MAPRE2: variants seen among roughly 807,000 people sequenced by gnomAD.
MAPRE2 encodes microtubule-associated protein RP/EB family member 2.
In MAPRE2, 13 loss-of-function variants were observed where a neutral mutation model predicts 43.2. That is an observed-to-expected ratio of 0.30 (90% CI 0.20 to 0.48). The LOEUF (loss-of-function observed/expected upper bound fraction) is 0.48, where lower values mean the gene tolerates loss of function less well. Ranked by LOEUF, MAPRE2 falls within the 20% of genes least tolerant of loss-of-function variation. MAPRE2 has a pLI of 0.99. For missense variants in MAPRE2, 161 were observed against 400.2 expected (o/e 0.40, Z 5.10); for synonymous variants, 135 against 148.8 (o/e 0.91, Z 0.68).
chr18:35,097,331 C>A, intron 2 of MAPRE2, 115 bp from the exon 3 acceptor site: 1 of 909,664 alleles, frequency 1.1e-6, no homozygotes, highest in Non-Finnish European at 1.7e-6. Flanking sequence ...GAAGGACACA[C>A]TCTGCTCTGA....
chr18:35,002,622 T>C (rs749240477), intron 1 of MAPRE2, among the ~76,000 whole-genome samples: 1 of 152,196 alleles, frequency 6.6e-6, no homozygotes, highest in Non-Finnish European at 1.5e-5. Flanking sequence ...TATGTTGTGA[T>C]GTCTCATGTA....
chr18:35,091,420 G>A (rs1343062072), intron 2 of MAPRE2, among the ~76,000 whole-genome samples: 2 of 152,142 alleles, frequency 1.3e-5, no homozygotes, highest in Non-Finnish European at 2.9e-5. Context: ...AAATCTTAAA[G>A]TATCTGAAAT....
At chr18:34,997,650 T>C (rs1311783895) in intron 1 of MAPRE2, among the ~76,000 whole-genome samples, 2 of 152,130 alleles carry the variant, frequency 1.3e-5, no homozygotes, top group Non-Finnish European at 2.9e-5. Flanking sequence ...ACCCCGTCTC[T>C]ACTAAAAATA....
chr18:35,093,647 C>CACAT (rs1908265254), intron 2 of MAPRE2, among the ~76,000 whole-genome samples: 1 of 152,048 alleles, frequency 6.6e-6, no homozygotes, highest in African/African-American at 2.4e-5. Context: ...ACGTTATGTT[C>CACAT]GGTGAAATAA....
chr18:35,024,780 G>C (rs1204194555), intron 2 of MAPRE2, among the ~76,000 whole-genome samples: 2 of 152,138 alleles, frequency 1.3e-5, no homozygotes, highest in Non-Finnish European at 2.9e-5. Context: ...ATTGCTATAG[G>C]ACATTCTCTT....
chr18:35,013,609 C>A (rs923872857), intron 2 of MAPRE2, among the ~76,000 whole-genome samples: 2 of 152,120 alleles, frequency 1.3e-5, no homozygotes, highest in African/African-American at 2.4e-5. Context: ...AACACTAGAA[C>A]CTATCCCTCC....
At chr18:35,126,919 T>C (rs1205062020) in intron 4 of MAPRE2, 29 bp from the exon 5 acceptor site, 5 of 1,606,226 alleles carry the variant, frequency 3.1e-6, no homozygotes, top group Non-Finnish European at 4.3e-6. Flanking sequence ...ATATTGCCAG[T>C]ATTTATCATT....
intron 2 of MAPRE2, among the ~76,000 whole-genome samples, chr18:35,007,371 C>T (rs1056001882): frequency 6.6e-6 from 1 of 152,150 alleles, no homozygotes; most frequent in Non-Finnish European, 1.5e-5. Context: ...AAAGGTGGCC[C>T]ACTATCTAAA....
At chr18:35,009,688 G>T (rs893929452) in intron 2 of MAPRE2, among the ~76,000 whole-genome samples, 22 of 152,192 alleles carry the variant, frequency 1.4e-4, no homozygotes, top group Non-Finnish European at 2.8e-4. Flanking sequence ...CGGAGGATAG[G>T]CCTGGGATCG....
Position 35,141,855 on chromosome 18 carries a change from C to T in MAPRE2, c.*1486C>T, listed in dbSNP as rs1221055104. 1 of 152,120 alleles carries T rather than the reference C, an allele frequency of 6.6e-6. No homozygotes were observed. The highest frequency in any genetic ancestry group is 1.5e-5 in the Non-Finnish European group (1 of 68,022). The allele number at this position is 152,120 out of a possible 1,614,324, so 9.4% of individuals were successfully genotyped here. On this transcript the variant is annotated 3_prime_UTR_variant, in exon 7 of 7. Transcript: ENST00000300249. ...TAAAATAAATTTCTGAATTATGTATCCTGAAGCTTTGAAATTTCTTTATTA... is the reference window on the plus strand; with the variant it reads ...TAAAATAAATTTCTGAATTATGTATTCTGAAGCTTTGAAATTTCTTTATTA...
At chr18:35,022,400 CATAAG>C (rs35102358) in intron 2 of MAPRE2, among the ~76,000 whole-genome samples, 85,214 of 151,314 alleles carry the variant, frequency 0.56, 24,852 homozygotes, top group East Asian at 0.71. Context: ...TATTTTTTAT[CATAAG>C]ATAACGGTAT....
chr18:35,037,142 T>C (rs2097050978), upstream of MAPRE2, among the ~76,000 whole-genome samples: 1 of 145,914 alleles, frequency 6.9e-6, no homozygotes, highest in African/African-American at 2.5e-5. Flanking sequence ...CACTGAGAGT[T>C]CCTTGAAGTG....
intron 5 of MAPRE2, among the ~76,000 whole-genome samples, chr18:35,130,802 G>A (rs577927055): frequency 4.9e-4 from 74 of 152,208 alleles, no homozygotes; most frequent in Non-Finnish European, 8.8e-4. Flanking sequence ...TGCGCCTGTG[G>A]GACTATGGTA....
At chr18:35,052,236 T>C (rs61146893) in intron 1 of MAPRE2, among the ~76,000 whole-genome samples, 6,260 of 152,260 alleles carry the variant, frequency 0.041, 283 homozygotes, top group East Asian at 0.22. Flanking sequence ...AGTCCAAATC[T>C]TCTCTGCCCA....
chr18:35,032,261 C>A lies in MAPRE2; in HGVS notation c.-8+26708C>A, dbSNP rs184298043. Among the ~76,000 whole-genome samples the A allele has an allele frequency of 6.9e-4, 105 of 152,162 alleles. No individual in the cohort carries two copies. In the South Asian group the frequency reaches 0.02, roughly 29 times the overall value. On this transcript the variant is annotated intron_variant, in intron 2 of 7. Coordinates refer to the MAPRE2 transcript ENST00000413393. ...TGAGGTGATAATGATCTAAGGAAGC[C>A]CCGATCTAAGGTGATGTGACAGCTG...
chr18:35,136,498 G>A (rs1910398140), intron 6 of MAPRE2, among the ~76,000 whole-genome samples: 1 of 152,206 alleles, frequency 6.6e-6, no homozygotes, highest in East Asian at 1.9e-4. Context: ...AAACTTGTGT[G>A]GGGAGCAGAT....
rs1168362784 is a variant in MAPRE2, at chr18:35,134,392, C to T, written c.909+2202C>T. 5.3e-5 allele frequency among the ~76,000 whole-genome samples: 8 copies of T among 152,204 alleles called. No homozygotes were observed. In the East Asian group the frequency reaches 7.7e-4, roughly 15 times the overall value. The stretch of plus-strand genomic sequence containing the variant: ...TGCTAGGGATTGTATTCATTTACTA[C>T]GTAGATTACTGACCTTAACCACATC... On this transcript the variant is annotated intron_variant, in intron 6 of 6. Transcript: ENST00000300249.
At chr18:35,103,115 G>A (rs949075068) in intron 4 of MAPRE2, among the ~76,000 whole-genome samples, 3 of 152,140 alleles carry the variant, frequency 2.0e-5, no homozygotes, top group Middle Eastern at 3.4e-3. Flanking sequence ...TGTATTCCAG[G>A]CAGACTGAAA....
chr18:35,023,052 G>A (rs1378094517), intron 2 of MAPRE2, among the ~76,000 whole-genome samples: 1 of 152,126 alleles, frequency 6.6e-6, no homozygotes, highest in African/African-American at 2.4e-5. Context: ...AATTTTTAGA[G>A]TGACACTCAT....
Sources: gnomAD v4.1 joint callset for allele counts (sites outside exome capture counted in the v4.1 genomes callset) on GRCh38, gnomAD v4.1.1 for gene constraint, MANE v1.5 for transcripts, NCBI Gene and HGNC (gene_info 2026-07-23, HGNC 2026-07-21) for gene names.